Variants in STAM2 observed in about 807,000 individuals in gnomAD.
The protein encoded by STAM2 is signal transducing adaptor molecule 2.
A neutral mutation model predicts 65.6 loss-of-function variants in STAM2; 51 were observed. The observed-to-expected ratio is 0.78, with a 90% confidence interval of 0.62 to 0.98. STAM2 has a LOEUF of 0.98. STAM2 is among the 50% of genes least tolerant of loss of function. The pLI, the probability that STAM2 is intolerant of heterozygous loss-of-function variation, is 0.00. For synonymous variants in STAM2, 198 were observed against 208.4 expected (o/e 0.95, Z 0.43); for missense variants, 584 against 617.8 (o/e 0.95, Z 0.58).
intron 7 of STAM2, 42 bp downstream of exon 7, chr2:152,143,785 G>A (rs1689290787): frequency 6.8e-7 from 1 of 1,464,310 alleles, no homozygotes; most frequent in Non-Finnish European, 9.4e-7. Flanking sequence ...CTAAATTAAG[G>A]GCATTACACT....
At position 152,144,967 on chromosome 2, in the gene STAM2, TATGAG is replaced by T. The variant is rs1689312660; in HGVS notation, c.448-15_448-11del. The T allele has an allele frequency of 6.2e-7, 1 of 1,607,668 alleles. No individual in the cohort carries two copies. Among genetic ancestry groups the T allele is most frequent in the Admixed American group, 1.7e-5 (1 of 59,934 alleles). ...CAGCAGCTGAGACAGTCTGTAAATGTATGAGTAAAATGAACACAACTATCTTTTCA... is the reference window on the plus strand; with the variant it reads ...CAGCAGCTGAGACAGTCTGTAAATGTTAAAATGAACACAACTATCTTTTCA... On this transcript the variant is annotated splice_polypyrimidine_tract_variant and intron_variant, in intron 5 of 13. Transcript: ENST00000263904.
chr2:152,125,796 A>G (rs1688953775), intron 12 of STAM2, among the ~76,000 whole-genome samples: 1 of 152,220 alleles, frequency 6.6e-6, no homozygotes, highest in Non-Finnish European at 1.5e-5. Flanking sequence ...AAATTTGTAA[A>G]GAAATGTTAA....
intron 8 of STAM2, among the ~76,000 whole-genome samples, chr2:152,134,930 G>A (rs147760955): frequency 1.7e-3 from 257 of 152,314 alleles, no homozygotes; most frequent in African/African-American, 6.0e-3. Flanking sequence ...TGGCTAAAGT[G>A]ACTAAAATGG....
chr2:152,122,666 C>G (rs1278299890), intron 13 of STAM2, among the ~76,000 whole-genome samples: 1 of 151,924 alleles, frequency 6.6e-6, no homozygotes, highest in Non-Finnish European at 1.5e-5. Context: ...CCTTATAGAT[C>G]ATCTACATAT....
At chr2:152,132,669 G>T (rs1689085792) in intron 10 of STAM2, among the ~76,000 whole-genome samples, 1 of 147,450 alleles carries the variant, frequency 6.8e-6, no homozygotes, top group African/African-American at 2.5e-5. Context: ...GATTTAAGAA[G>T]AATTATTTAC....
At position 152,120,586 on chromosome 2, in the gene STAM2, C is replaced by G. The variant is rs774177131; in HGVS notation, c.1566G>C (p.Gln522His). 6 of 1,613,826 alleles carry G rather than the reference C, an allele frequency of 3.7e-6. No homozygotes were observed. The highest frequency in any genetic ancestry group is 3.3e-5 in the Admixed American group (2 of 59,970). Reference protein sequence around the residue: ...VAQQHTNYHQQPLL With the variant: ...VAQQHTNYHQHPLL ...GCTTGATTTGTTTCTAAAGGAGAGG[C>G]TGCTGATGGTAATTTGTGTGCTGCT... Residue 522 changes from glutamine to histidine, a missense_variant, in exon 14 of 14, where the codon CAG becomes CAC. Physicochemically the swap from Gln to His is conservative, Grantham distance 24 (BLOSUM62 0). Coordinates refer to ENST00000263904, the MANE Select transcript of STAM2 (RefSeq NM_005843.6).
intron 11 of STAM2, among the ~76,000 whole-genome samples, chr2:152,126,684 A>C (rs1688968742): frequency 6.7e-6 from 1 of 150,014 alleles, no homozygotes; most frequent in Non-Finnish European, 1.5e-5. Context: ...CTAAGTAACA[A>C]AAGGACCAGA....
chr2:152,136,678 A>G, intron 7 of STAM2, among the ~76,000 whole-genome samples: 1 of 151,964 alleles, frequency 6.6e-6, no homozygotes, highest in East Asian at 1.9e-4. Context: ...AATACTTTCA[A>G]ATTTTGCTTA....
At chr2:152,172,018 T>C (rs1689906578) in intron 1 of STAM2, among the ~76,000 whole-genome samples, 1 of 152,204 alleles carries the variant, frequency 6.6e-6, no homozygotes, top group South Asian at 2.1e-4. Flanking sequence ...GTCCCCCATG[T>C]TTCACTTTCC....
intron 7 of STAM2, among the ~76,000 whole-genome samples, chr2:152,139,647 C>T (rs758607130): frequency 4.6e-5 from 7 of 152,148 alleles, no homozygotes; most frequent in African/African-American, 1.7e-4. Flanking sequence ...CTTGCTTTAC[C>T]TTCAGAATTT....
chr2:152,139,283 C>T (rs1429901482), intron 7 of STAM2, among the ~76,000 whole-genome samples: 1 of 152,110 alleles, frequency 6.6e-6, no homozygotes, highest in African/African-American at 2.4e-5. Flanking sequence ...GTGTAAAGAA[C>T]ATAAACCTCA....
chr2:152,159,866 T>C (rs1248411892), intron 1 of STAM2, among the ~76,000 whole-genome samples: 5 of 152,350 alleles, frequency 3.3e-5, no homozygotes, highest in East Asian at 3.9e-4. Flanking sequence ...GTGCCTGCGA[T>C]TGCAGGCGCG....
intron 4 of STAM2, among the ~76,000 whole-genome samples, chr2:152,147,733 C>T (rs1404229231): frequency 1.3e-5 from 2 of 152,086 alleles, no homozygotes; most frequent in Non-Finnish European, 2.9e-5. Flanking sequence ...GAATCTAATG[C>T]TCCAAGGGTA....
chr2:152,127,713 C>G (rs999205242), intron 11 of STAM2, among the ~76,000 whole-genome samples: 10 of 152,020 alleles, frequency 6.6e-5, no homozygotes, highest in Admixed American at 2.0e-4. Flanking sequence ...AGAAAGTAAA[C>G]CAATGCTTTA....
intron 1 of STAM2, among the ~76,000 whole-genome samples, chr2:152,156,315 C>A (rs1387557105): frequency 2.6e-5 from 4 of 152,008 alleles, no homozygotes; most frequent in African/African-American, 9.7e-5. Flanking sequence ...AATGGCCTGC[C>A]AAAAAGGACT....
chr2:152,130,418 A>AT (rs1338230797), intron 11 of STAM2, among the ~76,000 whole-genome samples: 2 of 151,716 alleles, frequency 1.3e-5, no homozygotes, highest in African/African-American at 4.8e-5. Context: ...CGCCCGGCTA[A>AT]TTTTTTGTAT....
In STAM2 at chr2:152,117,761, T is replaced by C. The variant is rs1284430517; in HGVS notation, c.*2813A>G. The C allele has an allele frequency of 6.6e-6, 1 of 152,188 alleles. No individual in the cohort carries two copies. Among genetic ancestry groups the C allele is most frequent in the Non-Finnish European group, 1.5e-5 (1 of 68,020 alleles). 9.4% of individuals were successfully genotyped at this position (152,188 alleles called of 1,614,324 possible). A position where few individuals can be genotyped will look rare whatever the true frequency, so the allele number is the denominator to read the frequency against. Reference sequence around the variant, plus strand: ...TTTTAAAAAAAATCCCTAAGCTATATGTTTTTAAAACATTTAAAATTGATT... The same window carrying C: ...TTTTAAAAAAAATCCCTAAGCTATACGTTTTTAAAACATTTAAAATTGATT... On this transcript the variant is annotated 3_prime_UTR_variant, in exon 14 of 14. Transcript: ENST00000263904.
At chr2:152,166,109 G>A (rs1329177078) in intron 1 of STAM2, among the ~76,000 whole-genome samples, 2 of 152,148 alleles carry the variant, frequency 1.3e-5, no homozygotes, top group Non-Finnish European at 2.9e-5. Flanking sequence ...GGGAGGTGGA[G>A]GGTGCAGTGA....
chr2:152,148,840 C>T (rs1359353480), intron 2 of STAM2, among the ~76,000 whole-genome samples: 1 of 151,300 alleles, frequency 6.6e-6, no homozygotes, highest in African/African-American at 2.4e-5. Flanking sequence ...CAAACCATTT[C>T]ACAAAAGATC....
Sources: gnomAD v4.1 joint callset for allele counts (sites outside exome capture counted in the v4.1 genomes callset) on GRCh38, gnomAD v4.1.1 for gene constraint, MANE v1.5 for transcripts, NCBI Gene and HGNC (gene_info 2026-07-23, HGNC 2026-07-21) for gene names.